Variants in PREX1 observed in about 807,000 individuals in gnomAD.
PREX1 encodes phosphatidylinositol 3,4,5-trisphosphate-dependent Rac exchanger 1 protein.
PREX1 carries 41 observed loss-of-function variants against 198.3 expected under a neutral mutation model. The observed-to-expected ratio is 0.21, with a 90% CI of 0.16 to 0.27. PREX1 has a LOEUF of 0.27. Among genes scored for constraint, PREX1 ranks in the 10% least tolerant of loss-of-function variants. The pLI, the probability that PREX1 is intolerant of heterozygous loss-of-function variation, is 1.00. For missense variants in PREX1, 1,620 were observed against 2,200.7 expected, an observed-to-expected ratio of 0.74 and a Z score of 5.28; for synonymous variants, 843 against 887.2, an observed-to-expected ratio of 0.95 and a Z score of 0.89.
At chr20:48,863,367 A>C in the PREX1 span, among the ~76,000 whole-genome samples, 2 of 152,122 alleles carry the variant, frequency 1.3e-5, no homozygotes, top group African/African-American at 4.8e-5. Flanking sequence ...CAAATGTATG[A>C]CATGCATCCA....
intron 1 of PREX1, among the ~76,000 whole-genome samples, chr20:48,792,201 C>T (rs564871088): frequency 6.6e-5 from 10 of 152,304 alleles, no homozygotes; most frequent in South Asian, 6.2e-4. Flanking sequence ...TAAGGCCAGG[C>T]GTGGTGGCTC....
At chr20:48,674,775 G>C (rs1452346094) in intron 14 of PREX1, among the ~76,000 whole-genome samples, 1 of 152,186 alleles carries the variant, frequency 6.6e-6, no homozygotes, top group East Asian at 1.9e-4. Flanking sequence ...CAGGCAACAG[G>C]CCTGTATGTG....
intron 18 of PREX1, 152 bp downstream of exon 18, chr20:48,656,888 C>G (rs1457776500): frequency 1.8e-5 from 21 of 1,149,580 alleles, no homozygotes; most frequent in Non-Finnish European, 6.0e-6. Context: ...CTGTAAACAT[C>G]TGCCGAATTA....
chr20:48,632,465 T>G, intron 34 of PREX1, 31 bp downstream of exon 34: 2 of 1,613,724 alleles, frequency 1.2e-6, no homozygotes, highest in South Asian at 2.2e-5. Context: ...CCGGCCCCCG[T>G]GGTCCTCCCT....
chr20:48,645,737 G>A lies in PREX1; in HGVS notation c.3512+114C>T, dbSNP rs558108424. ...ACCACGCTATCAGCAACAGCACCCTGAGCCCACTGCACCCTGAGAAGTGTC... is the reference window on the plus strand; with the variant it reads ...ACCACGCTATCAGCAACAGCACCCTAAGCCCACTGCACCCTGAGAAGTGTC... On this transcript the variant is annotated intron_variant, in intron 26 of 39. Transcript: ENST00000371941. 172 of 1,207,596 alleles carry A rather than the reference G, an allele frequency of 1.4e-4. 1 individual carries two copies. The African/African-American group carries it at 2.4e-3, about 17-fold the overall frequency. The allele number at this position is 1,207,596 out of a possible 1,614,324, so 74.8% of individuals were successfully genotyped here. A position where few individuals can be genotyped will look rare whatever the true frequency, so the allele number is the denominator to read the frequency against.
intron 1 of PREX1, among the ~76,000 whole-genome samples, chr20:48,819,057 G>A (rs1432042844): frequency 6.6e-6 from 1 of 152,172 alleles, no homozygotes; most frequent in African/African-American, 2.4e-5. Flanking sequence ...ATCTGCTGTG[G>A]GAGGGGACGG....
the PREX1 span, among the ~76,000 whole-genome samples, chr20:48,884,388 T>C: frequency 2.9e-3 from 444 of 152,350 alleles, 4 homozygotes; most frequent in Non-Finnish European, 5.2e-3. Flanking sequence ...CTTACATTTA[T>C]AGTCAGTTGA....
rs2089494736 is a variant in PREX1, at chr20:48,651,303, G to A, written c.2655+93C>T. Reference sequence around the variant, plus strand: ...CTAAGCCTGAGGAAATGGGATTCGGGTGTCCCACCCAACTCCTTCTCCCAA... The same window carrying A: ...CTAAGCCTGAGGAAATGGGATTCGGATGTCCCACCCAACTCCTTCTCCCAA... On this transcript the variant is annotated intron_variant, in intron 22 of 39. Coordinates refer to ENST00000371941, the MANE Select transcript of PREX1 (RefSeq NM_020820.4). 4 of 1,481,620 alleles carry A rather than the reference G, an allele frequency of 2.7e-6. No individual in the cohort carries two copies. In the African/African-American group the frequency reaches 4.2e-5, roughly 16 times the overall value. 91.8% of individuals were successfully genotyped at this position (1,481,620 alleles called of 1,614,324 possible). A position where few individuals can be genotyped will look rare whatever the true frequency, so the allele number is the denominator to read the frequency against.
the PREX1 span, among the ~76,000 whole-genome samples, chr20:48,862,540 T>G: frequency 6.6e-6 from 1 of 151,980 alleles, no homozygotes; most frequent in African/African-American, 2.4e-5. Flanking sequence ...ACTTTAGCTT[T>G]CTCATCTCTC....
chr20:48,843,465 G>A, the PREX1 span, among the ~76,000 whole-genome samples: 1 of 152,162 alleles, frequency 6.6e-6, no homozygotes, highest in African/African-American at 2.4e-5. Flanking sequence ...AATAAATGCT[G>A]GCTAGGCAAT....
At chr20:48,798,376 C>T (rs115007930) in intron 1 of PREX1, among the ~76,000 whole-genome samples, 2,048 of 152,330 alleles carry the variant, frequency 0.013, 51 homozygotes, top group African/African-American at 0.046. Flanking sequence ...TCCATACCCA[C>T]ACCTAAGGGT....
chr20:48,826,887 G>A (rs2004772), intron 1 of PREX1, among the ~76,000 whole-genome samples: 15,293 of 152,142 alleles, frequency 0.1, 981 homozygotes, highest in Middle Eastern at 0.21. Flanking sequence ...TTAAAAATGG[G>A]GGAAATACTC....
At chr20:48,817,517 G>C (rs2090464215) in intron 1 of PREX1, among the ~76,000 whole-genome samples, 2 of 152,182 alleles carry the variant, frequency 1.3e-5, no homozygotes, top group Admixed American at 1.3e-4. Flanking sequence ...ATATTTTATA[G>C]ATGAGGAAAC....
intron 11 of PREX1, among the ~76,000 whole-genome samples, chr20:48,680,603 C>G (rs1259169681): frequency 6.6e-6 from 1 of 152,150 alleles, no homozygotes; most frequent in Non-Finnish European, 1.5e-5. Flanking sequence ...CTGCACAACC[C>G]ACTTAGACTC....
At chr20:48,820,638 G>A (rs2090480289) in intron 1 of PREX1, among the ~76,000 whole-genome samples, 1 of 152,180 alleles carries the variant, frequency 6.6e-6, no homozygotes, top group Non-Finnish European at 1.5e-5. Flanking sequence ...CTCAACTGGG[G>A]GCTATTTTTC....
chr20:48,844,885 T>C, the PREX1 span, among the ~76,000 whole-genome samples: 13 of 152,202 alleles, frequency 8.5e-5, 1 homozygote, highest in African/African-American at 2.7e-4. Context: ...GAAACATGAC[T>C]CCAGCTATAA....
chr20:48,643,431 T>C (rs2089428626), intron 27 of PREX1, among the ~76,000 whole-genome samples: 1 of 151,544 alleles, frequency 6.6e-6, no homozygotes, highest in Non-Finnish European at 1.5e-5. Context: ...ATCGTGCCAC[T>C]GCACTCCAGC....
At chr20:48,748,818 T>A (rs571017049) in intron 1 of PREX1, among the ~76,000 whole-genome samples, 1 of 152,250 alleles carries the variant, frequency 6.6e-6, no homozygotes, top group African/African-American at 2.4e-5. Flanking sequence ...AGGTTCGGAT[T>A]TGGGTGTTGT....
the PREX1 span, among the ~76,000 whole-genome samples, chr20:48,854,361 C>G: frequency 6.6e-6 from 1 of 151,398 alleles, no homozygotes; most frequent in African/African-American, 2.5e-5. Flanking sequence ...GTGTGTGTGT[C>G]TGACAGAGGG....
Sources: gnomAD v4.1 joint callset for allele counts (sites outside exome capture counted in the v4.1 genomes callset) on GRCh38, gnomAD v4.1.1 for gene constraint, MANE v1.5 for transcripts, NCBI Gene and HGNC (gene_info 2026-07-23, HGNC 2026-07-21) for gene names.